The following NR1H4 variants were observed in gnomAD, a reference collection of about 807,000 sequenced individuals.
NR1H4 encodes the protein bile acid receptor.
In NR1H4, 23 loss-of-function variants were observed where a neutral mutation model predicts 58.5. That is an observed-to-expected ratio of 0.39 (90% CI 0.28 to 0.56). The LOEUF (loss-of-function observed/expected upper bound fraction) is 0.56. Among genes scored for constraint, NR1H4 ranks in the 20% least tolerant of loss-of-function variants. NR1H4 has a pLI of 0.58. For synonymous variants in NR1H4, 214 were observed against 198.0 expected, an observed-to-expected ratio of 1.08 and a Z score of -0.68; for missense variants, 487 against 576.9, an observed-to-expected ratio of 0.84 and a Z score of 1.60.
intron 3 of NR1H4, among the ~76,000 whole-genome samples, chr12:100,504,591 A>G (rs2136134112): frequency 6.6e-6 from 1 of 152,340 alleles, no homozygotes; most frequent in East Asian, 1.9e-4. Flanking sequence ...ACAAAAGTAT[A>G]CATGTGTATG....
intron 4 of NR1H4, 116 bp from the exon 5 acceptor site, chr12:100,532,342 C>G: frequency 4.4e-6 from 4 of 910,804 alleles, no homozygotes; most frequent in Non-Finnish European, 7.2e-6. Context: ...CAAGGATGGC[C>G]TGGGTGCTCT....
At position 100,515,090 on chromosome 12, in the gene NR1H4, C is replaced by A. The variant is rs545222751; in HGVS notation, c.445+3947C>A. Reference sequence around the variant, plus strand: ...TGATTCAACCAAACCTTTGTTCATCCAGAGCTCCATTTGGCCATCCCTGAG... The same window carrying A: ...TGATTCAACCAAACCTTTGTTCATCAAGAGCTCCATTTGGCCATCCCTGAG... On this transcript the variant is annotated intron_variant, in intron 4 of 10. Transcript: ENST00000392986. 2.9e-3 allele frequency among the ~76,000 whole-genome samples: 444 copies of A among 151,720 alleles called. 3 individuals carry two copies. Among genetic ancestry groups the A allele is most frequent in the African/African-American group, 0.01 (416 of 41,344 alleles).
chr12:100,535,790 G>A (rs1279029313), intron 6 of NR1H4, among the ~76,000 whole-genome samples: 2 of 152,148 alleles, frequency 1.3e-5, no homozygotes, highest in East Asian at 1.9e-4. Context: ...AGAAAACAAA[G>A]AGTTGACATA....
chr12:100,483,297 T>A (rs1953420497), intron 1 of NR1H4, among the ~76,000 whole-genome samples: 1 of 152,178 alleles, frequency 6.6e-6, no homozygotes, highest in Admixed American at 6.5e-5. Context: ...GGTTGATTAG[T>A]TTGAATATCA....
At chr12:100,488,449 A>G (rs1176376599) in intron 1 of NR1H4, among the ~76,000 whole-genome samples, 1 of 152,250 alleles carries the variant, frequency 6.6e-6, no homozygotes. Context: ...GGGTACTCAT[A>G]ATAGCTAGTC....
At chr12:100,476,741 G>A (rs893388234) in intron 1 of NR1H4, among the ~76,000 whole-genome samples, 1 of 152,156 alleles carries the variant, frequency 6.6e-6, no homozygotes, top group Non-Finnish European at 1.5e-5. Flanking sequence ...ATAGGAACAA[G>A]CTAGATACAG....
Position 100,562,010 on chromosome 12 carries a change from G to C in NR1H4, c.1192+12G>C. On this transcript the variant is annotated intron_variant, in intron 10 of 10. Coordinates refer to ENST00000392986, the MANE Select transcript of NR1H4 (RefSeq NM_001206979.2). Reference sequence around the variant, plus strand: ...TATCCTGTCTCCAGGTAATTCCAATGTTACATTTTAATTTTTATGCCATTT... The same window carrying C: ...TATCCTGTCTCCAGGTAATTCCAATCTTACATTTTAATTTTTATGCCATTT... 7.9e-7 allele frequency: 1 copy of C among 1,262,978 alleles called. No individual in the cohort carries two copies. The highest frequency in any genetic ancestry group is 1.2e-6 in the Non-Finnish European group (1 of 860,558). 78.2% of individuals were successfully genotyped at this position (1,262,978 alleles called of 1,614,324 possible).
intron 7 of NR1H4, 97 bp downstream of exon 7, chr12:100,536,707 T>C (rs1339786589): frequency 3.9e-6 from 3 of 767,280 alleles, no homozygotes; most frequent in East Asian, 2.7e-5. Context: ...TATGTTACTT[T>C]GAAATGATTA....
chr12:100,524,359 C>T (rs1024034729), intron 4 of NR1H4, among the ~76,000 whole-genome samples: 13 of 152,276 alleles, frequency 8.5e-5, no homozygotes, highest in African/African-American at 2.6e-4. Flanking sequence ...TGGAATTCAC[C>T]TATTAGAAAC....
chr12:100,513,274 G>T (rs886665758), intron 4 of NR1H4, among the ~76,000 whole-genome samples: 7 of 152,118 alleles, frequency 4.6e-5, no homozygotes, highest in Non-Finnish European at 7.3e-5. Context: ...TTCATCACTG[G>T]TACGTAATTA....
At chr12:100,551,760 C>T (rs1438068602) in intron 9 of NR1H4, among the ~76,000 whole-genome samples, 1 of 152,182 alleles carries the variant, frequency 6.6e-6, no homozygotes, top group African/African-American at 2.4e-5. Context: ...CCCTTGGTAT[C>T]CACAGAGGAT....
rs1484524227 is a variant in NR1H4, at chr12:100,480,487, G to C, written c.-190+6428G>C. Among the ~76,000 whole-genome samples the C allele has an allele frequency of 2.0e-5, 3 of 152,246 alleles. 1 individual carries two copies. The South Asian group carries it at 6.2e-4, about 32-fold the overall frequency. ...ATCTTCCAAGTTACCACAGGAGACA[G>C]TGTTACTGATTGTTTCATGATTATA... On this transcript the variant is annotated intron_variant, in intron 1 of 10. Transcript: ENST00000392986.
chr12:100,510,730 T>A lies in NR1H4; in HGVS notation c.80-48T>A, dbSNP rs1954089384. Reference sequence around the variant, plus strand: ...CATTACGCCAAACTGCCTCTCTAATTTCCAGAATGATGACATTCATTCCAG... The same window carrying A: ...CATTACGCCAAACTGCCTCTCTAATATCCAGAATGATGACATTCATTCCAG... On this transcript the variant is annotated intron_variant, in intron 3 of 10. Transcript: ENST00000392986. 2.5e-6 allele frequency: 4 copies of A among 1,611,544 alleles called. No individual in the cohort carries two copies. In the South Asian group the frequency reaches 3.3e-5, roughly 13 times the overall value.
At chr12:100,532,346 G>GTGC in intron 4 of NR1H4, 112 bp from the exon 5 acceptor site, 1 of 954,784 alleles carries the variant, frequency 1.0e-6, no homozygotes. Flanking sequence ...GATGGCCTGG[G>GTGC]TGCTCTCCAG....
chr12:100,497,708 C>T (rs371143906), intron 3 of NR1H4, among the ~76,000 whole-genome samples: 4 of 152,078 alleles, frequency 2.6e-5, no homozygotes, highest in Non-Finnish European at 5.9e-5. Context: ...TTAAAAAAGG[C>T]GTCTCTGATG....
chr12:100,541,570 C>T (rs1954936218), intron 9 of NR1H4, among the ~76,000 whole-genome samples: 1 of 151,836 alleles, frequency 6.6e-6, no homozygotes, highest in African/African-American at 2.4e-5. Context: ...GTGTGAGCCA[C>T]CGTGCCTGAC....
intron 3 of NR1H4, chr12:100,505,699 A>G: frequency 1.5e-6 from 1 of 648,228 alleles, no homozygotes; most frequent in Non-Finnish European, 2.8e-6. Flanking sequence ...TAATTCCAAA[A>G]TAAAGATTCC....
Position 100,563,970 on chromosome 12 carries a change from C to T in NR1H4, c.*481C>T, listed in dbSNP as rs1358079255. On this transcript the variant is annotated 3_prime_UTR_variant, in exon 11 of 11. Transcript: ENST00000392986. ...GGGGTAATTTACAGAAAGATACTGT[C>T]TCTCGCACTTTTGTCATCTCTGGAA... The T allele has an allele frequency of 6.3e-6, 1 of 158,658 alleles. No individual in the cohort carries two copies. The highest frequency in any genetic ancestry group is 6.1e-5 in the Admixed American group (1 of 16,370). The allele number at this position is 158,658 out of a possible 1,614,324, so 9.8% of individuals were successfully genotyped here.
At chr12:100,528,336 C>T (rs1954612543) in intron 4 of NR1H4, among the ~76,000 whole-genome samples, 1 of 151,516 alleles carries the variant, frequency 6.6e-6, no homozygotes, top group South Asian at 2.1e-4. Context: ...CACTGCACTT[C>T]AGCCTGGGCA....
Sources: allele counts gnomAD v4.1 joint callset (sites outside exome capture counted in the v4.1 genomes callset), GRCh38; gene constraint gnomAD v4.1.1; transcripts MANE v1.5; gene names NCBI Gene and HGNC (gene_info 2026-07-23, HGNC 2026-07-21).